Variants in CFAP20DC observed in about 807,000 individuals in gnomAD.
The protein encoded by CFAP20DC is CFAP20 domain containing.
CFAP20DC carries 84 observed loss-of-function variants against 101.7 expected under a neutral mutation model. The observed-to-expected ratio is 0.83, with a 90% CI of 0.69 to 0.99. CFAP20DC has a LOEUF of 0.99. Among genes scored for constraint, CFAP20DC ranks in the 50% least tolerant of loss-of-function variants. CFAP20DC has a pLI of 0.00. For missense variants in CFAP20DC, 1,007 were observed against 970.3 expected, an observed-to-expected ratio of 1.04 and a Z score of -0.50; for synonymous variants, 359 against 351.2, an observed-to-expected ratio of 1.02 and a Z score of -0.25.
At chr3:58,796,181 T>C (rs564709407) in intron 15 of CFAP20DC, among the ~76,000 whole-genome samples, 7 of 152,144 alleles carry the variant, frequency 4.6e-5, no homozygotes, top group Admixed American at 1.3e-4. Flanking sequence ...GGTCAACAAG[T>C]ACCAAGAGCA....
intron 4 of CFAP20DC, among the ~76,000 whole-genome samples, chr3:59,021,523 C>T (rs1271946979): frequency 6.6e-6 from 1 of 152,080 alleles, no homozygotes; most frequent in Non-Finnish European, 1.5e-5. Flanking sequence ...TAGGGAATCT[C>T]CTCCAGCTTA....
Position 58,755,323 on chromosome 3 carries a change from G to A in CFAP20DC, c.2238-1460C>T, listed in dbSNP as rs1176016171. 2.7e-5 allele frequency among the ~76,000 whole-genome samples: 4 copies of A among 147,492 alleles called. No homozygotes were observed. The East Asian group carries it at 6.8e-4, about 25-fold the overall frequency. On this transcript the variant is annotated intron_variant, in intron 15 of 16. Coordinates refer to ENST00000482387, the MANE Select transcript of CFAP20DC (RefSeq NM_001394063.1). Reference sequence around the variant, plus strand: ...TGTCACAGACTTCCAAGCTAATGGGGCATTTCTGATAAGCACTGTTTATTT... The same window carrying A: ...TGTCACAGACTTCCAAGCTAATGGGACATTTCTGATAAGCACTGTTTATTT...
At chr3:58,891,198 G>A (rs1177129971) in intron 6 of CFAP20DC, among the ~76,000 whole-genome samples, 6 of 152,144 alleles carry the variant, frequency 3.9e-5, no homozygotes, top group East Asian at 3.9e-4. Flanking sequence ...CGAGGCTGGC[G>A]GATCACTCGC....
At chr3:59,019,774 G>A (rs2093765717) in intron 4 of CFAP20DC, among the ~76,000 whole-genome samples, 1 of 152,106 alleles carries the variant, frequency 6.6e-6, no homozygotes, top group African/African-American at 2.4e-5. Flanking sequence ...ATGTGGTTAA[G>A]GGATTCTTGA....
chr3:58,783,784 A>G (rs1351047763), intron 15 of CFAP20DC, among the ~76,000 whole-genome samples: 1 of 152,060 alleles, frequency 6.6e-6, no homozygotes, highest in African/African-American at 2.4e-5. Flanking sequence ...TACTAAAAAA[A>G]CAAAACAAAA....
At chr3:58,842,625 A>G (rs1287686132) in intron 13 of CFAP20DC, among the ~76,000 whole-genome samples, 2 of 152,244 alleles carry the variant, frequency 1.3e-5, no homozygotes, top group African/African-American at 4.8e-5. Context: ...TTAGGGAAAC[A>G]AAGCAGCCAG....
At chr3:58,934,766 C>G (rs986271619) in intron 5 of CFAP20DC, among the ~76,000 whole-genome samples, 1 of 152,182 alleles carries the variant, frequency 6.6e-6, no homozygotes, top group Non-Finnish European at 1.5e-5. Context: ...ATTGATGGGA[C>G]ATATCTGAAA....
intron 6 of CFAP20DC, among the ~76,000 whole-genome samples, chr3:58,902,743 G>A (rs2107157748): frequency 6.6e-6 from 1 of 152,194 alleles, no homozygotes; most frequent in Admixed American, 6.5e-5. Context: ...AGTCCCTTAT[G>A]TAAAACAGCA....
intron 4 of CFAP20DC, among the ~76,000 whole-genome samples, chr3:59,012,695 G>A (rs1167928020): frequency 1.3e-5 from 2 of 152,084 alleles, no homozygotes; most frequent in Non-Finnish European, 2.9e-5. Flanking sequence ...TTACAAATTG[G>A]CCTCTTCCAC....
At chr3:58,921,652 T>C (rs980788529) in intron 5 of CFAP20DC, among the ~76,000 whole-genome samples, 2 of 152,212 alleles carry the variant, frequency 1.3e-5, no homozygotes, top group African/African-American at 4.8e-5. Flanking sequence ...TAACATATCA[T>C]ATATTTTGGT....
chr3:58,893,567 A>G (rs1047475012), intron 6 of CFAP20DC, among the ~76,000 whole-genome samples: 1 of 152,300 alleles, frequency 6.6e-6, no homozygotes, highest in African/African-American at 2.4e-5. Flanking sequence ...TTTTGCATCA[A>G]TGTTCATCAA....
chr3:58,746,860 G>C (rs1446268573), intron 16 of CFAP20DC, among the ~76,000 whole-genome samples: 3 of 152,058 alleles, frequency 2.0e-5, no homozygotes, highest in Non-Finnish European at 4.4e-5. Context: ...AATTTTCAAA[G>C]CCTCCAACTT....
intron 4 of CFAP20DC, among the ~76,000 whole-genome samples, chr3:59,010,959 T>C (rs1220197226): frequency 1.3e-5 from 2 of 152,188 alleles, no homozygotes; most frequent in Admixed American, 6.5e-5. Flanking sequence ...TATAGAATGA[T>C]CTTTGGGTCA....
intron 5 of CFAP20DC, among the ~76,000 whole-genome samples, chr3:58,931,261 C>T (rs998412761): frequency 1.3e-5 from 2 of 152,172 alleles, no homozygotes; most frequent in Non-Finnish European, 2.9e-5. Context: ...GTAAACAAAG[C>T]AGCCAGGAAG....
chr3:58,750,251 T>G (rs2068474795), intron 16 of CFAP20DC, among the ~76,000 whole-genome samples: 1 of 152,170 alleles, frequency 6.6e-6, no homozygotes, highest in Non-Finnish European at 1.5e-5. Flanking sequence ...GAATTATGTA[T>G]CAGGCAGAGT....
chr3:58,960,361 G>A (rs1290035301), intron 4 of CFAP20DC, among the ~76,000 whole-genome samples: 2 of 151,632 alleles, frequency 1.3e-5, no homozygotes, highest in Non-Finnish European at 2.9e-5. Flanking sequence ...GCGTGGTGGT[G>A]CATGCCTGTA....
chr3:58,777,542 C>T (rs1456824686), intron 15 of CFAP20DC, among the ~76,000 whole-genome samples: 2 of 152,058 alleles, frequency 1.3e-5, no homozygotes, highest in Admixed American at 1.3e-4. Flanking sequence ...AAAGTATGCA[C>T]AAATGAATGA....
At chr3:58,845,928 A>G (rs2077596407) in intron 13 of CFAP20DC, among the ~76,000 whole-genome samples, 1 of 150,772 alleles carries the variant, frequency 6.6e-6, no homozygotes, top group East Asian at 1.9e-4. Flanking sequence ...GATTATCTCA[A>G]TAGATGCAGA....
At chr3:58,871,857 G>A (rs2080253953) in intron 7 of CFAP20DC, among the ~76,000 whole-genome samples, 1 of 152,088 alleles carries the variant, frequency 6.6e-6, no homozygotes, top group South Asian at 2.1e-4. Context: ...CTAATGAACT[G>A]TGAGAAGTTT....
Sources: gnomAD v4.1 joint callset for allele counts (sites outside exome capture counted in the v4.1 genomes callset) on GRCh38, gnomAD v4.1.1 for gene constraint, MANE v1.5 for transcripts, NCBI Gene and HGNC (gene_info 2026-07-23, HGNC 2026-07-21) for gene names.